The following KAZN variants were observed in gnomAD, a reference collection of about 807,000 sequenced individuals.
KAZN encodes kazrin.
KAZN carries 40 observed loss-of-function variants against 87.4 expected under a neutral mutation model. The observed-to-expected ratio is 0.46, with a 90% CI of 0.36 to 0.60. The LOEUF (loss-of-function observed/expected upper bound fraction) is 0.60. Among genes scored for constraint, KAZN ranks in the 20% least tolerant of loss-of-function variants. The pLI is 0.00. For synonymous variants in KAZN, 466 were observed against 458.3 expected, an observed-to-expected ratio of 1.02 and a Z score of -0.22; for missense variants, 898 against 1,073.9, an observed-to-expected ratio of 0.84 and a Z score of 2.29.
At chr1:14,069,984 C>T (rs887471622) in intron 1 of KAZN, among the ~76,000 whole-genome samples, 7 of 151,898 alleles carry the variant, frequency 4.6e-5, no homozygotes, top group African/African-American at 1.5e-4. Context: ...TCTTGACCAA[C>T]AGGGTGAAAC....
intron 1 of KAZN, among the ~76,000 whole-genome samples, chr1:14,024,405 A>T (rs1487998322): frequency 3.3e-5 from 5 of 152,256 alleles, no homozygotes; most frequent in African/African-American, 1.2e-4. Flanking sequence ...ACACAGAAGA[A>T]CTAAAAGAAA....
chr1:14,400,402 A>G (rs1461016424), intron 2 of KAZN, among the ~76,000 whole-genome samples: 2 of 152,242 alleles, frequency 1.3e-5, no homozygotes, highest in African/African-American at 2.4e-5. Flanking sequence ...CCAGTCTGCC[A>G]TGAAAATATG....
At chr1:14,279,200 C>G (rs1331236280) in intron 2 of KAZN, among the ~76,000 whole-genome samples, 1 of 152,082 alleles carries the variant, frequency 6.6e-6, no homozygotes, top group African/African-American at 2.4e-5. Context: ...AGCAGACAGA[C>G]TGGGAAAGGA....
intron 2 of KAZN, among the ~76,000 whole-genome samples, chr1:14,489,738 A>ATAATAATAG (rs1487743801): frequency 2.2e-4 from 13 of 60,184 alleles, no homozygotes; most frequent in African/African-American, 2.8e-4. Flanking sequence ...TGTCTTAAAA[A>ATAATAATAG]TAATAATAAT....
chr1:15,054,851 C>T (rs1000902756), intron 4 of KAZN, among the ~76,000 whole-genome samples: 4 of 152,378 alleles, frequency 2.6e-5, no homozygotes, highest in East Asian at 1.9e-4. Context: ...GGCGGCCTCC[C>T]GGCCCCAGCT....
At chr1:14,900,753 C>CAAAA (rs34012645) in intron 1 of KAZN, among the ~76,000 whole-genome samples, 2 of 132,016 alleles carry the variant, frequency 1.5e-5, no homozygotes, top group East Asian at 2.2e-4. Context: ...GACTCCATCT[C>CAAAA]AAAAAAAAAA....
intron 14 of KAZN, 46 bp downstream of exon 14, chr1:15,112,587 A>AAGGTCTTTTTCTTCTTCTCCCAGCGGC: frequency 7.7e-7 from 1 of 1,293,608 alleles, no homozygotes; most frequent in South Asian, 1.3e-5. Context: ...AGACCCGGGA[A>AAGGTCTTTTTCTTCTTCTCCCAGCGGC]AGGTCTTTTT....
At position 14,290,108 on chromosome 1, in the gene KAZN, C is replaced by T. The variant is rs1010804874; in HGVS notation, c.249+109516C>T. On this transcript the variant is annotated intron_variant, in intron 2 of 16. Transcript: ENST00000636203. ...GACCTTTCTCTCTGGCTGCCCTTAA[C>T]ATTTTTTCCTTGATTTCAACCTCGC... Among the ~76,000 whole-genome samples, 4 of 152,300 alleles carry T rather than the reference C, an allele frequency of 2.6e-5. No homozygotes were observed. The East Asian group carries it at 7.7e-4, about 29-fold the overall frequency.
At chr1:14,386,313 A>G (rs1230543658) in intron 2 of KAZN, among the ~76,000 whole-genome samples, 1 of 147,006 alleles carries the variant, frequency 6.8e-6, no homozygotes, top group African/African-American at 2.5e-5. Context: ...GTCCATTTAC[A>G]TTTAAAGTTA....
At chr1:14,062,290 G>A (rs1279398843) in intron 1 of KAZN, among the ~76,000 whole-genome samples, 1 of 152,178 alleles carries the variant, frequency 6.6e-6, no homozygotes, top group Admixed American at 6.5e-5. Flanking sequence ...TGTTCCTGGA[G>A]TTCCCAGATG....
chr1:14,584,863 A>C (rs772035321), intron 2 of KAZN, among the ~76,000 whole-genome samples: 2 of 152,154 alleles, frequency 1.3e-5, no homozygotes, highest in Non-Finnish European at 2.9e-5. Flanking sequence ...GGCTGGTCTC[A>C]AACTCCCGAC....
At chr1:14,878,670 G>A (rs113761388) in intron 1 of KAZN, among the ~76,000 whole-genome samples, 89 of 152,236 alleles carry the variant, frequency 5.8e-4, no homozygotes, top group African/African-American at 2.0e-3. Context: ...AAGGACATTC[G>A]GCCCTCAGCT....
chr1:14,627,205 G>C (rs1202976827), intron 1 of KAZN, among the ~76,000 whole-genome samples: 2 of 151,868 alleles, frequency 1.3e-5, no homozygotes, highest in South Asian at 4.2e-4. Context: ...GAGCGGGAAG[G>C]GTGTGAAGGA....
chr1:14,372,999 G>GC (rs1660625202), intron 2 of KAZN, among the ~76,000 whole-genome samples: 1 of 152,092 alleles, frequency 6.6e-6, no homozygotes, highest in Admixed American at 6.5e-5. Context: ...CCTGAGAGGG[G>GC]CCCCCTGAGG....
intron 1 of KAZN, among the ~76,000 whole-genome samples, chr1:14,642,444 C>A (rs531685488): frequency 1.3e-5 from 2 of 152,150 alleles, no homozygotes; most frequent in East Asian, 3.9e-4. Flanking sequence ...GATACCAACA[C>A]CCATCAAGTT....
At chr1:14,251,778 A>G (rs1284973025) in intron 2 of KAZN, among the ~76,000 whole-genome samples, 1 of 150,270 alleles carries the variant, frequency 6.7e-6, no homozygotes, top group African/African-American at 2.5e-5. Flanking sequence ...CTTCCTGAGT[A>G]GCTGGGACTA....
chr1:14,405,014 A>G (rs1663713167), intron 2 of KAZN, among the ~76,000 whole-genome samples: 1 of 152,196 alleles, frequency 6.6e-6, no homozygotes, highest in Non-Finnish European at 1.5e-5. Context: ...TCTACATTGC[A>G]TTAAGGCAGC....
At chr1:14,827,101 C>G (rs1382783421) in intron 1 of KAZN, among the ~76,000 whole-genome samples, 1 of 152,140 alleles carries the variant, frequency 6.6e-6, no homozygotes, top group Non-Finnish European at 1.5e-5. Flanking sequence ...TTTCCCCTCA[C>G]CTGGGAAAAG....
At chr1:14,825,262 T>C (rs534629444) in intron 1 of KAZN, among the ~76,000 whole-genome samples, 6 of 152,352 alleles carry the variant, frequency 3.9e-5, no homozygotes, top group African/African-American at 1.2e-4. Flanking sequence ...TATGACTCCT[T>C]TCTTGACTCC....
Sources: gnomAD v4.1 joint callset for allele counts (sites outside exome capture counted in the v4.1 genomes callset) on GRCh38, gnomAD v4.1.1 for gene constraint, MANE v1.5 for transcripts, NCBI Gene and HGNC (gene_info 2026-07-23, HGNC 2026-07-21) for gene names.